The following COA8 variants were observed in gnomAD, a reference collection of about 807,000 sequenced individuals.
COA8 encodes the protein cytochrome c oxidase assembly factor 8, also known as UPF0671 protein C14orf153.
In COA8, 20 loss-of-function variants were observed where a neutral mutation model predicts 22.0. That is an observed-to-expected ratio of 0.91 (90% CI 0.64 to 1.32). The LOEUF is 1.32. Among genes scored for constraint, COA8 ranks in the 40% most tolerant of loss-of-function variants. COA8 has a pLI of 0.00. For missense variants in COA8, 266 were observed against 230.0 expected, an observed-to-expected ratio of 1.16 and a Z score of -1.01; for synonymous variants, 105 against 79.9, an observed-to-expected ratio of 1.31 and a Z score of -1.68.
At chr14:103,577,871 A>G (rs890061951) in intron 3 of COA8, among the ~76,000 whole-genome samples, 2 of 151,920 alleles carry the variant, frequency 1.3e-5, no homozygotes, top group African/African-American at 4.8e-5. Flanking sequence ...CTAAAAATAC[A>G]AAATTAGCCA....
intron 1 of COA8, among the ~76,000 whole-genome samples, chr14:103,567,827 G>A (rs929528735): frequency 6.6e-6 from 1 of 152,106 alleles, no homozygotes; most frequent in Non-Finnish European, 1.5e-5. Context: ...ATACAGCAGG[G>A]GTGGCTTCCT....
At chr14:103,578,081 C>T (rs930296353) in intron 3 of COA8, among the ~76,000 whole-genome samples, 2 of 144,108 alleles carry the variant, frequency 1.4e-5, no homozygotes, top group African/African-American at 5.1e-5. Flanking sequence ...GTAGTCCCAA[C>T]TACTCGGGAG....
At chr14:103,587,664 C>A (rs1052359394) in intron 4 of COA8, among the ~76,000 whole-genome samples, 6 of 151,698 alleles carry the variant, frequency 4.0e-5, no homozygotes, top group Non-Finnish European at 5.9e-5. Context: ...CCCGCCAGCA[C>A]GCCTGGCTAA....
intron 1 of COA8, among the ~76,000 whole-genome samples, chr14:103,566,410 A>T (rs1239862071): frequency 6.6e-6 from 1 of 152,108 alleles, no homozygotes; most frequent in Admixed American, 6.5e-5. Context: ...ATGGACCAAG[A>T]CTCATTCTCA....
At chr14:103,566,799 C>T (rs530897841) in intron 1 of COA8, among the ~76,000 whole-genome samples, 14 of 152,352 alleles carry the variant, frequency 9.2e-5, no homozygotes, top group African/African-American at 3.4e-4. Context: ...TTATTGTTTG[C>T]AGCTCCAGGC....
chr14:103,577,035 G>C (rs1323174321), intron 3 of COA8, among the ~76,000 whole-genome samples: 1 of 152,150 alleles, frequency 6.6e-6, no homozygotes, highest in African/African-American at 2.4e-5. Flanking sequence ...GTGACTACAA[G>C]AAGAAAAAAT....
chr14:103,590,162 A>C lies in COA8; in HGVS notation c.477-19A>C, dbSNP rs561528362. The stretch of plus-strand genomic sequence containing the variant: ...GTCCCTGCCACCGTGTCACCTGTGC[A>C]TCCTCTGTTTCTCTACAGAGATTGG... On this transcript the variant is annotated intron_variant, in intron 4 of 4. Transcript: ENST00000409074. 17 of 1,609,538 alleles carry C rather than the reference A, an allele frequency of 1.1e-5. No homozygotes were observed. In the South Asian group the frequency reaches 1.9e-4, roughly 18 times the overall value.
chr14:103,569,163 T>C (rs2076161592), intron 1 of COA8, among the ~76,000 whole-genome samples: 2 of 152,118 alleles, frequency 1.3e-5, no homozygotes, highest in East Asian at 1.9e-4. Flanking sequence ...ATCATAGGCT[T>C]GTACTGTGGA....
Position 103,563,036 on chromosome 14 carries a change from TC to T in COA8, c.41del (p.Pro14LeufsTer43), listed in dbSNP as rs759966247. The T allele has an allele frequency of 5.2e-6, 8 of 1,544,686 alleles. No homozygotes were observed. The highest frequency in any genetic ancestry group is 6.9e-6 in the Non-Finnish European group (8 of 1,151,340). On this transcript the variant is annotated frameshift_variant, in exon 1 of 5. Transcript: ENST00000409074. LOFTEE classifies it high-confidence loss of function. ...VVLRAGKKTF[L>X]PPLCRAFACR... The stretch of plus-strand genomic sequence containing the variant: ...TTGCGGGCGGGGAAGAAGACCTTTC[TC>T]CCCCCTCTCTGCCGCGCCTTCGCCT...
chr14:103,580,860 A>G (rs1344981511), intron 3 of COA8, among the ~76,000 whole-genome samples: 1 of 137,200 alleles, frequency 7.3e-6, no homozygotes, highest in Admixed American at 7.4e-5. Context: ...GCAGTGGCGC[A>G]ATCTCAGCTC....
intron 4 of COA8, 114 bp downstream of exon 4, chr14:103,587,478 G>T: frequency 3.8e-6 from 2 of 529,404 alleles, no homozygotes; most frequent in Non-Finnish European, 6.3e-6. Context: ...GAAGTTGCAA[G>T]ACTTTATCAA....
rs141463800 is a variant in COA8 at position 103,585,737 on chromosome 14, G to A, written c.386-1537G>A. Among the ~76,000 whole-genome samples, 195 of 150,926 alleles carry A rather than the reference G, an allele frequency of 1.3e-3. 3 individuals are homozygous for A. Among genetic ancestry groups the A allele is most frequent in the African/African-American group, 4.3e-3 (178 of 41,174 alleles). ...ACTACAGACGCACGCCACTACACCC[G>A]GCTAATTTTTGTACTTTTAGTAGAG... On this transcript the variant is annotated intron_variant, in intron 3 of 4. Transcript: ENST00000409074.
chr14:103,574,151 G>A lies in COA8; in HGVS notation c.366G>A (p.Leu122=). 6.2e-7 allele frequency: 1 copy of A among 1,609,734 alleles called. No individual in the cohort carries two copies. The highest frequency in any genetic ancestry group is 8.5e-7 in the Non-Finnish European group (1 of 1,178,900). Residue 122 remains leucine (L), a synonymous_variant, in exon 3 of 5, where the codon CTG becomes CTA. Transcript: ENST00000409074. ...FIHSRLKTKG[L]GLRTESGQKA... ...ACTCAAGACTAAAAACTAAAGGCCT[G>A]GGCCTGAGAACTGAATCAGGTTAGT...
chr14:103,590,397 C>A lies in COA8; in HGVS notation c.*111C>A. 1 of 1,095,038 alleles carries A rather than the reference C, an allele frequency of 9.1e-7. No homozygotes were observed. Among genetic ancestry groups the A allele is most frequent in the Admixed American group, 2.5e-5 (1 of 39,332 alleles). The allele number at this position is 1,095,038 out of a possible 1,614,324, so 67.8% of individuals were successfully genotyped here. ...CTGATCTCAAGAAGCCCCACATCTT[C>A]CTAAGGGGCCCCATGGCCTGTTTGG... On this transcript the variant is annotated 3_prime_UTR_variant, in exon 5 of 5. Transcript: ENST00000409074.
chr14:103,567,567 A>C (rs544247692), intron 1 of COA8: 5 of 151,868 alleles, frequency 3.3e-5, no homozygotes, highest in African/African-American at 1.2e-4. Flanking sequence ...AATTTTTTTT[A>C]TAGAGATGGG....
At chr14:103,590,148 C>A in intron 4 of COA8, 33 bp from the exon 5 acceptor site, 1 of 1,588,000 alleles carries the variant, frequency 6.3e-7, no homozygotes, top group Non-Finnish European at 8.6e-7. Context: ...TCCCTGCCAC[C>A]GTGTCACCTG....
chr14:103,582,266 A>G (rs887048894), intron 3 of COA8, among the ~76,000 whole-genome samples: 2 of 152,156 alleles, frequency 1.3e-5, no homozygotes, highest in Admixed American at 6.6e-5. Flanking sequence ...TCCCTGAGCC[A>G]TAGCTGGGGG....
At chr14:103,567,605 C>G (rs1325901128) in intron 1 of COA8, 1 of 152,392 alleles carries the variant, frequency 6.6e-6, no homozygotes, top group Non-Finnish European at 1.5e-5. Flanking sequence ...AGGCTGGCCT[C>G]AAACTCCTGA....
At chr14:103,569,304 G>A (rs953200460) in intron 1 of COA8, among the ~76,000 whole-genome samples, 2 of 152,158 alleles carry the variant, frequency 1.3e-5, no homozygotes, top group African/African-American at 4.8e-5. Flanking sequence ...AGAAACATGT[G>A]GTTATAGGGA....
Sources: gnomAD v4.1 joint callset for allele counts (sites outside exome capture counted in the v4.1 genomes callset) on GRCh38, gnomAD v4.1.1 for gene constraint, MANE v1.5 for transcripts, NCBI Gene and HGNC (gene_info 2026-07-23, HGNC 2026-07-21) for gene names.